The following NALCN variants were observed in gnomAD, a reference collection of about 807,000 sequenced individuals.
NALCN encodes sodium leak channel NALCN.
Under a neutral mutation model 225.3 loss-of-function variants are expected in NALCN, and 111 were observed. The ratio of observed to expected loss-of-function variants is 0.49; its 90% CI spans 0.42 to 0.58. NALCN has a LOEUF of 0.58. Among genes scored for constraint, NALCN ranks in the 20% least tolerant of loss-of-function variants. The pLI is 0.00. For missense variants in NALCN, 1,378 were observed against 2,202.4 expected, an observed-to-expected ratio of 0.63 and a Z score of 7.49; for synonymous variants, 764 against 769.0, an observed-to-expected ratio of 0.99 and a Z score of 0.11.
intron 7 of NALCN, among the ~76,000 whole-genome samples, chr13:101,296,293 A>G (rs929609219): frequency 2.0e-5 from 3 of 152,240 alleles, no homozygotes; most frequent in African/African-American, 7.2e-5. Flanking sequence ...ATGATTTTGT[A>G]GCCTACAGAC....
At chr13:101,061,883 T>C in intron 41 of NALCN, 85 bp downstream of exon 41, 2 of 1,337,412 alleles carry the variant, frequency 1.5e-6, no homozygotes, top group South Asian at 1.4e-5. Context: ...TAATCCCATG[T>C]TCACGAAGCT....
intron 3 of NALCN, among the ~76,000 whole-genome samples, chr13:101,381,042 C>T (rs2046835672): frequency 1.3e-5 from 2 of 152,024 alleles, no homozygotes; most frequent in Admixed American, 6.6e-5. Flanking sequence ...TTTAGAGAAA[C>T]CAATGTTAAT....
In NALCN at chr13:101,103,248, A is replaced by G. The variant is rs557705148; in HGVS notation, c.2981T>C (p.Leu994Pro). 1 of 1,614,056 alleles carries G rather than the reference A, an allele frequency of 6.2e-7. No individual in the cohort carries two copies. Among genetic ancestry groups the G allele is most frequent in the African/African-American group, 1.3e-5 (1 of 75,048 alleles). The change falls in exon 26 of 44, where the codon CTG (leucine) becomes CCG (proline). Residue 994 changes from leucine (L) to proline (P), a missense_variant. Leu to Pro is a moderately conservative substitution (Grantham distance 98). Transcript: ENST00000251127. ...CTGGGGCACCAGTTTGAATATGCGC[A>G]GAGGTCTCAGGCACCGAAGGACCAT... ...LLMVLRCLRP[L>P]RIFKLVPQMR... is the part of the protein sequence containing the mutation.
chr13:101,191,500 T>C (rs1209204474), intron 14 of NALCN, among the ~76,000 whole-genome samples: 1 of 152,190 alleles, frequency 6.6e-6, no homozygotes, highest in Non-Finnish European at 1.5e-5. Flanking sequence ...CCCTGAGGTC[T>C]ATAGCTTCTG....
chr13:101,354,312 C>T (rs2045988298), intron 6 of NALCN, among the ~76,000 whole-genome samples: 1 of 152,178 alleles, frequency 6.6e-6, no homozygotes, highest in Admixed American at 6.5e-5. Context: ...CACTGAACTA[C>T]AGCCTGGGCA....
chr13:101,242,100 T>TA (rs1184954087), intron 11 of NALCN, among the ~76,000 whole-genome samples: 1 of 106,482 alleles, frequency 9.4e-6, no homozygotes, highest in African/African-American at 3.4e-5. Flanking sequence ...GATTTTTAGT[T>TA]ACCTTGCAGG....
intron 10 of NALCN, among the ~76,000 whole-genome samples, chr13:101,279,562 A>G (rs1025840592): frequency 2.0e-5 from 3 of 152,050 alleles, no homozygotes; most frequent in Non-Finnish European, 4.4e-5. Flanking sequence ...CACGCCTGTA[A>G]TCCCAGCACT....
chr13:101,407,532 A>AT (rs1241960304), intron 1 of NALCN, among the ~76,000 whole-genome samples: 4 of 152,298 alleles, frequency 2.6e-5, no homozygotes, highest in African/African-American at 4.8e-5. Flanking sequence ...TTATGTACTC[A>AT]TTTTTTTAAC....
chr13:101,322,118 C>T (rs1207205007), intron 7 of NALCN, among the ~76,000 whole-genome samples: 2 of 151,970 alleles, frequency 1.3e-5, no homozygotes, highest in Non-Finnish European at 2.9e-5. Flanking sequence ...CCTTTAAAAA[C>T]CTTTGTATTC....
Position 101,236,026 on chromosome 13 carries a change from A to G in NALCN, c.1434+1729T>C, listed in dbSNP as rs78671807. 6.1e-3 allele frequency among the ~76,000 whole-genome samples: 934 copies of G among 152,306 alleles called. 11 individuals carry two copies. Among genetic ancestry groups the G allele is most frequent in the African/African-American group, 0.022 (895 of 41,570 alleles). Reference sequence around the variant, plus strand: ...AATTCTACTGTCATTTTATTTCCCAAATATTTAACAATATCTATTTAGAAA... The same window carrying G: ...AATTCTACTGTCATTTTATTTCCCAGATATTTAACAATATCTATTTAGAAA... On this transcript the variant is annotated intron_variant, in intron 12 of 43. Coordinates refer to ENST00000251127, the MANE Select transcript of NALCN (RefSeq NM_052867.4).
intron 34 of NALCN, among the ~76,000 whole-genome samples, chr13:101,079,974 A>C (rs1309414135): frequency 1.3e-5 from 2 of 152,218 alleles, no homozygotes; most frequent in African/African-American, 2.4e-5. Flanking sequence ...ACAGGGAAAA[A>C]CCGATAATAT....
chr13:101,165,981 T>A (rs1199652440), intron 15 of NALCN, among the ~76,000 whole-genome samples: 1 of 152,254 alleles, frequency 6.6e-6, no homozygotes, highest in Non-Finnish European at 1.5e-5. Flanking sequence ...TAAACTCACA[T>A]AAGAGAAACC....
chr13:101,065,361 G>A, intron 40 of NALCN, 43 bp downstream of exon 40: 2 of 1,605,474 alleles, frequency 1.2e-6, no homozygotes, highest in Non-Finnish European at 1.7e-6. Context: ...TGACAGCTGT[G>A]GTTTCTGGCC....
At chr13:101,055,969 G>T (rs1467495208) in intron 43 of NALCN, among the ~76,000 whole-genome samples, 3 of 152,088 alleles carry the variant, frequency 2.0e-5, no homozygotes, top group African/African-American at 7.2e-5. Context: ...TGGATATGTA[G>T]CTATGGGCAA....
chr13:101,134,532 TA>T (rs2036673553), intron 17 of NALCN, among the ~76,000 whole-genome samples: 1 of 152,268 alleles, frequency 6.6e-6, no homozygotes, highest in South Asian at 2.1e-4. Context: ...AATTTCATAA[TA>T]TTAAAGTATT....
intron 7 of NALCN, among the ~76,000 whole-genome samples, chr13:101,297,980 C>T (rs1357714542): frequency 1.3e-5 from 2 of 152,184 alleles, no homozygotes; most frequent in African/African-American, 2.4e-5. Context: ...GTTTGAGCAT[C>T]CCCTTCAGTT....
At chr13:101,325,662 T>C (rs1294048323) in intron 7 of NALCN, among the ~76,000 whole-genome samples, 1 of 152,180 alleles carries the variant, frequency 6.6e-6, no homozygotes, top group Non-Finnish European at 1.5e-5. Context: ...ACGGCTGATA[T>C]CCGTTTTATC....
intron 20 of NALCN, among the ~76,000 whole-genome samples, chr13:101,109,386 C>T (rs1296334650): frequency 4.6e-5 from 7 of 152,288 alleles, no homozygotes; most frequent in East Asian, 1.9e-4. Context: ...GCCAACTTCT[C>T]GCTCTTGATT....
At chr13:101,395,110 G>A in intron 3 of NALCN, 73 bp downstream of exon 3, 2 of 1,414,022 alleles carry the variant, frequency 1.4e-6, no homozygotes, top group Non-Finnish European at 1.9e-6. Context: ...AAATGAACAA[G>A]AAAATATGAT....
Sources: allele counts gnomAD v4.1 joint callset (sites outside exome capture counted in the v4.1 genomes callset), GRCh38; gene constraint gnomAD v4.1.1; transcripts MANE v1.5; gene names NCBI Gene and HGNC (gene_info 2026-07-23, HGNC 2026-07-21).